FAM110C: variants seen among roughly 807,000 people sequenced by gnomAD.
The protein encoded by FAM110C is protein FAM110C.
A neutral mutation model predicts 15.7 loss-of-function variants in FAM110C; 19 were observed. The observed-to-expected ratio is 1.21, with a 90% CI of 0.85 to 1.78. The LOEUF (loss-of-function observed/expected upper bound fraction) is 1.78, where lower values mean the gene tolerates loss of function less well. Among genes scored for constraint, FAM110C ranks in the 40% most tolerant of loss-of-function variants. FAM110C has a pLI of 0.00. For missense variants in FAM110C, 547 were observed against 495.7 expected, an observed-to-expected ratio of 1.10 and a Z score of -0.98; for synonymous variants, 275 against 233.9, an observed-to-expected ratio of 1.18 and a Z score of -1.61.
intron 1 of FAM110C, chr2:43,210 A>T (rs10172032): frequency 0.023 from 22,284 of 985,326 alleles, 674 homozygotes; most frequent in East Asian, 0.14. Flanking sequence ...GGGTCTAGGG[A>T]AGTACATTAG....
chr2:40,977 T>A lies in FAM110C; in HGVS notation c.*631A>T, dbSNP rs1271760647. On this transcript the variant is annotated 3_prime_UTR_variant, in exon 2 of 2. Coordinates refer to ENST00000327669, the MANE Select transcript of FAM110C (RefSeq NM_001077710.3). ...GGAGAATGACATTAATAGAATGACC[T>A]TGTAGCCCTCAAGTTATTTTAAAAG... The A allele has an allele frequency of 6.6e-6, 1 of 152,204 alleles. No individual in the cohort carries two copies. Among genetic ancestry groups the A allele is most frequent in the Non-Finnish European group, 1.5e-5 (1 of 68,042 alleles). The allele number at this position is 152,204 out of a possible 1,614,324, so 9.4% of individuals were successfully genotyped here.
chr2:40,924 G>A lies in FAM110C; in HGVS notation c.*684C>T, dbSNP rs906945248. ...TTAAACTCTAACTTATCTTTTAATGGGTACTTCCACATGCCTACAACCCGA... is the reference window on the plus strand; with the variant it reads ...TTAAACTCTAACTTATCTTTTAATGAGTACTTCCACATGCCTACAACCCGA... On this transcript the variant is annotated 3_prime_UTR_variant, in exon 2 of 2. Transcript: ENST00000327669. The A allele has an allele frequency of 6.6e-6, 1 of 152,122 alleles. No individual in the cohort carries two copies. 9.4% of individuals were successfully genotyped at this position (152,122 alleles called of 1,614,324 possible). A position where few individuals can be genotyped will look rare whatever the true frequency, so the allele number is the denominator to read the frequency against.
At chr2:43,383 A>G (rs1664180546) in intron 1 of FAM110C, 2 of 985,292 alleles carry the variant, frequency 2.0e-6, no homozygotes, top group Non-Finnish European at 2.4e-6. Flanking sequence ...GGAGGGAGAC[A>G]TGAGGGGAGG....
At chr2:41,767 C>T (rs540368251) in intron 1 of FAM110C, 140 bp from the exon 2 acceptor site, 11 of 1,355,742 alleles carry the variant, frequency 8.1e-6, no homozygotes, top group South Asian at 1.9e-5. Context: ...TCTTCTTTTG[C>T]GTTTTAAATT....
At chr2:43,660 A>T (rs1051257708) in intron 1 of FAM110C, 3 of 985,304 alleles carry the variant, frequency 3.0e-6, no homozygotes, top group Non-Finnish European at 3.6e-6. Flanking sequence ...GGATCAGAGC[A>T]GGCTGCTTTT....
chr2:45,967 G>A lies in FAM110C; in HGVS notation c.419C>T (p.Thr140Met), dbSNP rs775737607. Residue 140 changes from threonine (T) to methionine (M), a missense_variant, in exon 1 of 2, where the codon ACG becomes ATG. By Grantham distance (81) the Thr-to-Met change is moderately conservative. Transcript: ENST00000327669. ...GTTCCCGGCCTTGCCCTCGTCTCCC[G>A]TCCGGGGCACCGGCGCCTTGTCCTT... ...PGKDKAPVPR[T>M]GDEGKAGNPE... 6.9e-7 allele frequency: 1 copy of A among 1,448,080 alleles called. No homozygotes were observed. The highest frequency in any genetic ancestry group is 2.7e-5 in the Admixed American group (1 of 36,898). The allele number at this position is 1,448,080 out of a possible 1,614,324, so 89.7% of individuals were successfully genotyped here.
At chr2:41,689 A>C in intron 1 of FAM110C, 62 bp from the exon 2 acceptor site, 1 of 1,607,902 alleles carries the variant, frequency 6.2e-7, no homozygotes. Context: ...AGTATAATGA[A>C]AACTAAACAT....
At position 39,658 on chromosome 2, in the gene FAM110C, G is replaced by A. The variant is rs553346141; in HGVS notation, c.*1950C>T. On this transcript the variant is annotated 3_prime_UTR_variant, in exon 2 of 2. Transcript: ENST00000327669. ...TTTCTAAAAGATCTTGGTGGCTTTA[G>A]TGGAAACCATTTGGTTTTTACATTT... is the stretch of plus-strand genomic sequence containing the variant. The A allele has an allele frequency of 3.9e-5, 6 of 152,288 alleles. No homozygotes were observed. The highest frequency in any genetic ancestry group is 3.3e-4 in the Admixed American group (5 of 15,304). 9.4% of individuals were successfully genotyped at this position (152,288 alleles called of 1,614,324 possible). A position where few individuals can be genotyped will look rare whatever the true frequency, so the allele number is the denominator to read the frequency against.
chr2:43,993 C>T (rs1468689545), intron 1 of FAM110C: 2 of 985,302 alleles, frequency 2.0e-6, no homozygotes, highest in African/African-American at 1.7e-5. Context: ...TAACATAAGA[C>T]AGGCCCTTAA....
rs1410159862 is a variant in FAM110C, at chr2:45,594, G to A, written c.792C>T (p.Ser264=). The A allele has an allele frequency of 2.5e-6, 4 of 1,612,516 alleles. No individual in the cohort carries two copies. The highest frequency in any genetic ancestry group is 2.5e-6 in the Non-Finnish European group (3 of 1,179,838). The change falls in exon 1 of 2, where the codon AGC becomes AGT. Residue 264 remains serine, a synonymous_variant. Coordinates refer to ENST00000327669, the MANE Select transcript of FAM110C (RefSeq NM_001077710.3). ...CCTGCAGCCCCTCGTCGTCGCCGCC[G>A]CTGTGCCGGGAGAAGCCGCTGCCGG... ...ATSGSGFSRH[S]GGDDEGLQEE...
In FAM110C at chr2:46,402, C is replaced by T; in HGVS notation, c.-17G>A. The T allele has an allele frequency of 7.9e-7, 1 of 1,265,414 alleles. No individual in the cohort carries two copies. Among genetic ancestry groups the T allele is most frequent in the South Asian group, 2.8e-5 (1 of 35,242 alleles). 78.4% of individuals were successfully genotyped at this position (1,265,414 alleles called of 1,614,324 possible). A position where few individuals can be genotyped will look rare whatever the true frequency, so the allele number is the denominator to read the frequency against. On this transcript the variant is annotated 5_prime_UTR_variant, in exon 1 of 2. Coordinates refer to ENST00000327669, the MANE Select transcript of FAM110C (RefSeq NM_001077710.3). ...GGCGCGCATCTTCGCGGGGAATGGA[C>T]CGACCGGGGTTCCGGGTCCAGCGGA...
chr2:46,019 C>A lies in FAM110C; in HGVS notation c.367G>T (p.Val123Leu). The A allele has an allele frequency of 6.7e-7, 1 of 1,486,968 alleles. No individual in the cohort carries two copies. The highest frequency in any genetic ancestry group is 8.9e-7 in the Non-Finnish European group (1 of 1,125,646). 92.1% of individuals were successfully genotyped at this position (1,486,968 alleles called of 1,614,324 possible). The change falls in exon 1 of 2, where the codon GTG becomes TTG. Residue 123 changes from valine (V) to leucine (L), a missense_variant. Coordinates refer to ENST00000327669, the MANE Select transcript of FAM110C (RefSeq NM_001077710.3). ...CCCGGCCCCTGGAAGAGCTTCTTCA[C>A]CAGGCTTGCCCTGGGGCCGTCGGCG... ...SGADGPRASL[V>L]KKLFQGPGKD...
At chr2:42,263 G>A (rs567721969) in intron 1 of FAM110C, 3 of 985,276 alleles carry the variant, frequency 3.0e-6, no homozygotes, top group Non-Finnish European at 3.6e-6. Flanking sequence ...CGCTTCTACA[G>A]GTATTTCTTT....
At position 40,562 on chromosome 2, in the gene FAM110C, C is replaced by T. The variant is rs1664097322; in HGVS notation, c.*1046G>A. On this transcript the variant is annotated 3_prime_UTR_variant, in exon 2 of 2. Coordinates refer to ENST00000327669, the MANE Select transcript of FAM110C (RefSeq NM_001077710.3). The stretch of plus-strand genomic sequence containing the variant: ...GGACCCAGTAACCCCCATGAACATT[C>T]TCATTATAGCCGCCCTCAGGCTGTC... 6.6e-6 allele frequency: 1 copy of T among 152,192 alleles called. No individual in the cohort carries two copies. Among genetic ancestry groups the T allele is most frequent in the Middle Eastern group, 3.2e-3 (1 of 316 alleles). The allele number at this position is 152,192 out of a possible 1,614,324, so 9.4% of individuals were successfully genotyped here. A position where few individuals can be genotyped will look rare whatever the true frequency, so the allele number is the denominator to read the frequency against.
chr2:41,687 G>A, intron 1 of FAM110C, 60 bp from the exon 2 acceptor site: 1 of 1,608,504 alleles, frequency 6.2e-7, no homozygotes, highest in East Asian at 2.2e-5. Flanking sequence ...TTAGTATAAT[G>A]AAAACTAAAC....
intron 1 of FAM110C, chr2:43,228 A>G: frequency 1.0e-6 from 1 of 985,388 alleles, no homozygotes; most frequent in African/African-American, 1.7e-5. Context: ...TAGTAAAGAA[A>G]ATCTTTATAG....
intron 1 of FAM110C, chr2:43,034 C>T (rs1664169263): frequency 3.0e-6 from 3 of 985,362 alleles, no homozygotes; most frequent in African/African-American, 3.5e-5. Context: ...AGTGGGAACA[C>T]CAGTGCTGGG....
Position 46,433 on chromosome 2 carries a change from G to T in FAM110C, c.-48C>A, listed in dbSNP as rs1040048784. 8.7e-5 allele frequency: 108 copies of T among 1,237,336 alleles called. No homozygotes were observed. The highest frequency in any genetic ancestry group is 1.0e-4 in the Non-Finnish European group (103 of 982,916). 76.6% of individuals were successfully genotyped at this position (1,237,336 alleles called of 1,614,324 possible). On this transcript the variant is annotated 5_prime_UTR_variant, in exon 1 of 2. Coordinates refer to ENST00000327669, the MANE Select transcript of FAM110C (RefSeq NM_001077710.3). ...GGGGTTCCGGGTCCAGCGGAGACGC[G>T]CTCGAGTGGTAGAGCCAGTCAGTCC...
rs1248844022 is a variant in FAM110C at position 45,687 on chromosome 2, C to T, written c.699G>A (p.Gly233=). Residue 233 remains glycine, a synonymous_variant, in exon 1 of 2, where the codon GGG becomes GGA. Coordinates refer to ENST00000327669, the MANE Select transcript of FAM110C (RefSeq NM_001077710.3). The part of the protein sequence containing the change: ...GLDPEVVEAL[G]RENFTAGSDC... ...CCGACCCCGCGGTGAAGTTCTCCCT[C>T]CCCAGGGCCTCCACCACCTCGGGGT... 2 of 1,605,384 alleles carry T rather than the reference C, an allele frequency of 1.2e-6. No homozygotes were observed. The highest frequency in any genetic ancestry group is 1.7e-6 in the Non-Finnish European group (2 of 1,176,618).
Sources: allele counts gnomAD v4.1 joint callset, GRCh38; gene constraint gnomAD v4.1.1; transcripts MANE v1.5; gene names NCBI Gene and HGNC (gene_info 2026-07-23, HGNC 2026-07-21).